Variants in CHRNA7 observed in about 807,000 individuals in gnomAD.
CHRNA7 encodes neuronal acetylcholine receptor subunit alpha-7.
In CHRNA7, 17 loss-of-function variants were observed where a neutral mutation model predicts 48.0. The observed-to-expected ratio is 0.35, with a 90% CI of 0.24 to 0.53. CHRNA7 has a LOEUF of 0.53. Among genes scored for constraint, CHRNA7 ranks in the 20% least tolerant of loss-of-function variants. The pLI is 0.92. For missense variants in CHRNA7, 155 were observed against 577.7 expected (o/e 0.27, Z 7.50); for synonymous variants, 75 against 242.3 (o/e 0.31, Z 6.41).
At chr15:32,051,358 C>T (rs964408663) in intron 2 of CHRNA7, among the ~76,000 whole-genome samples, 4 of 152,224 alleles carry the variant, frequency 2.6e-5, no homozygotes, top group East Asian at 1.9e-4. Flanking sequence ...CAATGGCGGG[C>T]GCCCCTCCCC....
chr15:32,129,377 C>T (rs938333188), intron 4 of CHRNA7, among the ~76,000 whole-genome samples: 4 of 151,894 alleles, frequency 2.6e-5, no homozygotes, highest in African/African-American at 9.7e-5. Flanking sequence ...CGAAGCCATT[C>T]AGGATGTGGA....
intron 2 of CHRNA7, among the ~76,000 whole-genome samples, chr15:32,092,835 G>T (rs2050404628): frequency 6.6e-6 from 1 of 152,136 alleles, no homozygotes. Context: ...TCCATACCAA[G>T]GGCTCTGTTG....
At chr15:32,043,281 C>T (rs2141173596) in intron 2 of CHRNA7, among the ~76,000 whole-genome samples, 1 of 152,194 alleles carries the variant, frequency 6.6e-6, no homozygotes, top group Admixed American at 6.5e-5. Flanking sequence ...TATGATGATA[C>T]TTATAAGTAA....
chr15:32,094,937 C>T (rs769914589), intron 2 of CHRNA7, among the ~76,000 whole-genome samples: 4 of 152,204 alleles, frequency 2.6e-5, no homozygotes, highest in Non-Finnish European at 4.4e-5. Flanking sequence ...CGTGAGCCAC[C>T]GCACCCAGCT....
At chr15:32,101,716 G>C (rs2050577050) in intron 3 of CHRNA7, 1 of 197,038 alleles carries the variant, frequency 5.1e-6, no homozygotes, top group Non-Finnish European at 1.0e-5. Flanking sequence ...GGCCTCCGGA[G>C]CTGCATGTTT....
At chr15:32,137,239 A>G (rs1054618442) in intron 4 of CHRNA7, among the ~76,000 whole-genome samples, 1 of 152,072 alleles carries the variant, frequency 6.6e-6, no homozygotes, top group Non-Finnish European at 1.5e-5. Context: ...TAGACTGTTT[A>G]GATGAAACTA....
chr15:32,060,736 G>A (rs972273625), intron 2 of CHRNA7, among the ~76,000 whole-genome samples: 3 of 152,210 alleles, frequency 2.0e-5, no homozygotes, highest in African/African-American at 7.2e-5. Flanking sequence ...TAGGCAGATA[G>A]GCAAATGGAG....
At chr15:32,148,860 G>A (rs1448391855) in intron 4 of CHRNA7, among the ~76,000 whole-genome samples, 3 of 152,200 alleles carry the variant, frequency 2.0e-5, no homozygotes, top group Non-Finnish European at 2.9e-5. Context: ...CATGCCCTCC[G>A]CCAGGGGCCT....
At chr15:32,145,550 C>T (rs2651419) in intron 4 of CHRNA7, among the ~76,000 whole-genome samples, 22,659 of 152,190 alleles carry the variant, frequency 0.15, 2,256 homozygotes, top group Non-Finnish European at 0.21. Flanking sequence ...AGGCAGTAGG[C>T]CTTGCTGAGC....
In CHRNA7 at chr15:32,170,601, G is replaced by A. The variant is rs1399810483; in HGVS notation, c.*2143G>A. ...ATACAGGAACACAAAATGCAAACAA[G>A]TTGTGCATATTTTGGACTCTCAAAT... On this transcript the variant is annotated 3_prime_UTR_variant, in exon 10 of 10. Coordinates refer to ENST00000306901, the MANE Select transcript of CHRNA7 (RefSeq NM_000746.6). The A allele has an allele frequency of 7.4e-6, 1 of 135,744 alleles. No individual in the cohort carries two copies. Among genetic ancestry groups the A allele is most frequent in the Non-Finnish European group, 1.6e-5 (1 of 61,234 alleles). The allele number at this position is 135,744 out of a possible 1,614,324, so 8.4% of individuals were successfully genotyped here.
chr15:32,116,127 G>A (rs202082107), intron 4 of CHRNA7, among the ~76,000 whole-genome samples: 2 of 152,246 alleles, frequency 1.3e-5, no homozygotes, highest in East Asian at 3.9e-4. Context: ...GAATGGAGTC[G>A]AGGGGCTTTT....
At chr15:32,089,525 C>A (rs1458317006) in intron 2 of CHRNA7, among the ~76,000 whole-genome samples, 1 of 151,462 alleles carries the variant, frequency 6.6e-6, no homozygotes, top group Non-Finnish European at 1.5e-5. Flanking sequence ...ATTTCTGTTA[C>A]ACTGGTTTTG....
intron 2 of CHRNA7, among the ~76,000 whole-genome samples, chr15:32,088,245 CTA>C (rs776498684): frequency 5.3e-5 from 8 of 152,184 alleles, no homozygotes; most frequent in Non-Finnish European, 8.8e-5. Context: ...TAAGAATCAC[CTA>C]TATCTTTCAT....
intron 4 of CHRNA7, among the ~76,000 whole-genome samples, chr15:32,135,196 T>C (rs2051232438): frequency 6.6e-6 from 1 of 152,164 alleles, no homozygotes; most frequent in Non-Finnish European, 1.5e-5. Flanking sequence ...CCATACACAC[T>C]GGCTAGAATA....
At chr15:32,095,307 G>A (rs546733091) in intron 2 of CHRNA7, among the ~76,000 whole-genome samples, 1 of 152,266 alleles carries the variant, frequency 6.6e-6, no homozygotes, top group South Asian at 2.1e-4. Flanking sequence ...TCAGGACTCC[G>A]TTGCTCTCCT....
In CHRNA7 at chr15:32,170,494, T is replaced by C. The variant is rs368008821; in HGVS notation, c.*2036T>C. On this transcript the variant is annotated 3_prime_UTR_variant, in exon 10 of 10. Transcript: ENST00000306901. Reference sequence around the variant, plus strand: ...GAAGTGTTTTGATATATAAAAGGAATGCTTCATTTCTTATCATTATCCCAA... The same window carrying C: ...GAAGTGTTTTGATATATAAAAGGAACGCTTCATTTCTTATCATTATCCCAA... The C allele has an allele frequency of 1.3e-5, 2 of 151,582 alleles. No homozygotes were observed. Among genetic ancestry groups the C allele is most frequent in the East Asian group, 3.9e-4 (2 of 5,146 alleles). The allele number at this position is 151,582 out of a possible 1,614,324, so 9.4% of individuals were successfully genotyped here.
At chr15:32,116,030 A>C (rs13329490) in intron 4 of CHRNA7, among the ~76,000 whole-genome samples, 17,303 of 152,246 alleles carry the variant, frequency 0.11, 1,040 homozygotes, top group Middle Eastern at 0.15. Context: ...TTTGAGAGAT[A>C]CCGAATTTAA....
chr15:32,039,660 C>T (rs1199526694), intron 2 of CHRNA7, among the ~76,000 whole-genome samples: 1 of 152,028 alleles, frequency 6.6e-6, no homozygotes, highest in Non-Finnish European at 1.5e-5. Flanking sequence ...TTTGTTAAGG[C>T]TCTTTCTGTG....
intron 2 of CHRNA7, among the ~76,000 whole-genome samples, chr15:32,091,707 T>C (rs1463665721): frequency 6.6e-6 from 1 of 152,152 alleles, no homozygotes; most frequent in Non-Finnish European, 1.5e-5. Context: ...ATAGTCCCAC[T>C]TAGGCATTGT....
Sources: allele counts gnomAD v4.1 joint callset (sites outside exome capture counted in the v4.1 genomes callset), GRCh38; gene constraint gnomAD v4.1.1; transcripts MANE v1.5; gene names NCBI Gene and HGNC (gene_info 2026-07-23, HGNC 2026-07-21).